EBF4: variants seen among roughly 807,000 people sequenced by gnomAD.
EBF4 encodes the protein transcription factor COE4.
Under a neutral mutation model 67.1 loss-of-function variants are expected in EBF4, and 34 were observed. The observed-to-expected ratio is 0.51, with a 90% CI of 0.39 to 0.67. The LOEUF (loss-of-function observed/expected upper bound fraction) is 0.67. Among genes scored for constraint, EBF4 ranks in the 30% least tolerant of loss-of-function variants. EBF4 has a pLI of 0.00. For missense variants in EBF4, 837 were observed against 873.3 expected, an observed-to-expected ratio of 0.96 and a Z score of 0.52; for synonymous variants, 387 against 377.7, an observed-to-expected ratio of 1.02 and a Z score of -0.29.
At chr20:2,721,127 T>G (rs879600189) in intron 6 of EBF4, among the ~76,000 whole-genome samples, 1 of 152,092 alleles carries the variant, frequency 6.6e-6, no homozygotes, top group Non-Finnish European at 1.5e-5. Flanking sequence ...TTCATTCAAT[T>G]TGGAAAGTTT....
chr20:2,715,126 C>T (rs28625972), intron 6 of EBF4, among the ~76,000 whole-genome samples: 15,691 of 152,118 alleles, frequency 0.1, 885 homozygotes, highest in Admixed American at 0.14. Context: ...CATACCACTG[C>T]CTAACCCTCT....
Position 2,752,255 on chromosome 20 carries a change from C to CGGAG in EBF4, c.1343_1344insGGAG (p.Pro450ArgfsTer70). 7.9e-7 allele frequency: 1 copy of CGGAG among 1,273,682 alleles called. No individual in the cohort carries two copies. Among genetic ancestry groups the CGGAG allele is most frequent in the African/African-American group, 1.6e-5 (1 of 64,416 alleles). 78.9% of individuals were successfully genotyped at this position (1,273,682 alleles called of 1,614,324 possible). A position where few individuals can be genotyped will look rare whatever the true frequency, so the allele number is the denominator to read the frequency against. On this transcript the variant is annotated frameshift_variant, in exon 13 of 17. Coordinates refer to ENST00000609451, the Ensembl canonical transcript of EBF4. LOFTEE classifies it high-confidence loss of function. ...GCCGTCGGGGACGCCACCCCGGGGCCCGAGCCGGGTGCGTGGGCCGCGCCT... is the reference window on the plus strand; with the variant it reads ...GCCGTCGGGGACGCCACCCCGGGGCCGGAGCGAGCCGGGTGCGTGGGCCGCGCCT...
In EBF4 at chr20:2,751,662, C is replaced by G; in HGVS notation, c.1019-38C>G. On this transcript the variant is annotated intron_variant, in intron 10 of 16. Transcript: ENST00000609451. The surrounding 1 kb of genome is among the most constrained non-coding windows in gnomAD (Gnocchi z 5.2). ...GTCTCACCCTGGGAGTGGGGGGCTGCGGGGGAGACGTCCTCCAAACGCCGC... is the reference window on the plus strand; with the variant it reads ...GTCTCACCCTGGGAGTGGGGGGCTGGGGGGGAGACGTCCTCCAAACGCCGC... 6.5e-7 allele frequency: 1 copy of G among 1,543,434 alleles called. No individual in the cohort carries two copies. Among genetic ancestry groups the G allele is most frequent in the South Asian group, 1.2e-5 (1 of 83,880 alleles).
intron 1 of EBF4, among the ~76,000 whole-genome samples, chr20:2,697,500 G>A (rs535905017): frequency 9.3e-5 from 14 of 151,106 alleles, no homozygotes; most frequent in Admixed American, 2.6e-4. Context: ...AGCCGAGATC[G>A]CGCCACTGCA....
At chr20:2,727,610 C>T (rs1351230311) in intron 6 of EBF4, among the ~76,000 whole-genome samples, 1 of 152,176 alleles carries the variant, frequency 6.6e-6, no homozygotes, top group Non-Finnish European at 1.5e-5. Context: ...ATTGCTGAAT[C>T]AATGGTAGTT....
In EBF4 at chr20:2,743,232, C is replaced by T. The variant is rs377387384; in HGVS notation, c.558-5317C>T. Reference sequence around the variant, plus strand: ...AATTCTCCTGGGTTGTTCTCACGTTCGCCCTTCCAGCCTCTGCGGTGTGTC... The same window carrying T: ...AATTCTCCTGGGTTGTTCTCACGTTTGCCCTTCCAGCCTCTGCGGTGTGTC... On this transcript the variant is annotated intron_variant, in intron 6 of 16. Transcript: ENST00000609451. Among the ~76,000 whole-genome samples, 103 of 152,302 alleles carry T rather than the reference C, an allele frequency of 6.8e-4. No individual in the cohort carries two copies. In the East Asian group the frequency reaches 0.016, roughly 24 times the overall value.
Position 2,751,630 on chromosome 20 carries a change from G to A in EBF4, c.1019-70G>A, listed in dbSNP as rs1205177481. The A allele has an allele frequency of 1.3e-6, 2 of 1,488,352 alleles. No individual in the cohort carries two copies. The highest frequency in any genetic ancestry group is 1.2e-5 in the South Asian group (1 of 82,776). The allele number at this position is 1,488,352 out of a possible 1,614,324, so 92.2% of individuals were successfully genotyped here. A position where few individuals can be genotyped will look rare whatever the true frequency, so the allele number is the denominator to read the frequency against. On this transcript the variant is annotated intron_variant, in intron 10 of 16. Transcript: ENST00000609451. This position sits in a 1 kb window ranked among gnomAD's most constrained non-coding sequence, Gnocchi z 5.2. ...GACTGGGCGCTGGCCTGCTTTTGGC[G>A]CCCTGCGTCTCACCCTGGGAGTGGG...
At chr20:2,710,962 T>TA (rs2087535270) in intron 6 of EBF4, among the ~76,000 whole-genome samples, 1 of 151,792 alleles carries the variant, frequency 6.6e-6, no homozygotes, top group Admixed American at 6.6e-5. Flanking sequence ...GCCAACAGGG[T>TA]AAAATCCCAT....
intron 6 of EBF4, among the ~76,000 whole-genome samples, chr20:2,736,981 G>A (rs1005907564): frequency 2.0e-5 from 3 of 152,042 alleles, no homozygotes; most frequent in Non-Finnish European, 4.4e-5. Context: ...CGGGCGCGGT[G>A]GCTCACGCTT....
At chr20:2,693,522 A>G (rs897401334), upstream of EBF4, 4 of 1,202,050 alleles carry the variant, frequency 3.3e-6, no homozygotes, top group African/African-American at 4.7e-5. This position sits in a 1 kb window ranked among gnomAD's most constrained non-coding sequence, Gnocchi z 4.6. Flanking sequence ...GCACTGAGCC[A>G]CCCGGACTCG....
At chr20:2,706,918 G>C (rs2087466935) in intron 4 of EBF4, among the ~76,000 whole-genome samples, 1 of 152,250 alleles carries the variant, frequency 6.6e-6, no homozygotes, top group African/African-American at 2.4e-5. Context: ...AGGAGGCTCA[G>C]AGGCCAGCAC....
chr20:2,751,963 G>A lies in EBF4; in HGVS notation c.1149G>A (p.Leu383=), dbSNP rs2088154959. ...GGGCGGCCGACTTGGCAGAAGCCCTGTACGGAGTGCCCGGCAGTAACCAGG... is the reference window on the plus strand; with the variant it reads ...GGGCGGCCGACTTGGCAGAAGCCCTATACGGAGTGCCCGGCAGTAACCAGG... Residue 383 remains leucine (L), a synonymous_variant, in exon 12 of 17, where the codon CTG becomes CTA. Coordinates refer to ENST00000609451, the Ensembl canonical transcript of EBF4. The surrounding 1 kb of genome is among the most constrained non-coding windows in gnomAD (Gnocchi z 5.2). 2 of 1,548,874 alleles carry A rather than the reference G, an allele frequency of 1.3e-6. No individual in the cohort carries two copies. Among genetic ancestry groups the A allele is most frequent in the African/African-American group, 2.7e-5 (2 of 73,132 alleles).
At chr20:2,723,539 C>T (rs1600220834) in intron 6 of EBF4, among the ~76,000 whole-genome samples, 2 of 151,990 alleles carry the variant, frequency 1.3e-5, no homozygotes, top group Admixed American at 6.5e-5. Flanking sequence ...TTAATAGAGA[C>T]GGGGTTTCAC....
rs138935530 is a variant in EBF4 at position 2,733,303 on chromosome 20, TTCTC to T, written c.558-15235_558-15232del. Among the ~76,000 whole-genome samples, 14 of 151,734 alleles carry T rather than the reference TTCTC, an allele frequency of 9.2e-5. 1 individual carries two copies. The highest frequency in any genetic ancestry group is 7.2e-4 in the Admixed American group (11 of 15,204). On this transcript the variant is annotated intron_variant, in intron 6 of 16. Transcript: ENST00000609451. The stretch of plus-strand genomic sequence containing the variant: ...GGATTCCTTATATATGACGAGTTAC[TTCTC>T]TCTCTCTCTCATTGCTTCTCAGATC...
At chr20:2,740,497 AT>A (rs2087951747) in intron 6 of EBF4, among the ~76,000 whole-genome samples, 1 of 152,156 alleles carries the variant, frequency 6.6e-6, no homozygotes, top group Non-Finnish European at 1.5e-5. Flanking sequence ...GTAGTGGAAA[AT>A]GCACTCGGGC....
chr20:2,742,597 G>T (rs1376738189), intron 6 of EBF4, among the ~76,000 whole-genome samples: 1 of 152,156 alleles, frequency 6.6e-6, no homozygotes, highest in African/African-American at 2.4e-5. Flanking sequence ...GGCCACAGTG[G>T]GATGGCACTG....
At chr20:2,712,920 A>T (rs926709997) in intron 6 of EBF4, among the ~76,000 whole-genome samples, 25 of 152,216 alleles carry the variant, frequency 1.6e-4, no homozygotes, top group Non-Finnish European at 2.4e-4. Flanking sequence ...AGATTTAGCA[A>T]TGAGGAGGAT....
At chr20:2,714,221 T>C (rs1229411750) in intron 6 of EBF4, among the ~76,000 whole-genome samples, 1 of 152,202 alleles carries the variant, frequency 6.6e-6, no homozygotes, top group Non-Finnish European at 1.5e-5. Flanking sequence ...TAAAGGCTAT[T>C]TGTGTTTCCT....
At chr20:2,702,273 AATTAATT>A (rs1459830075) in intron 1 of EBF4, among the ~76,000 whole-genome samples, 24 of 152,062 alleles carry the variant, frequency 1.6e-4, no homozygotes, top group African/African-American at 5.8e-4. Context: ...ATCTCTCCAA[AATTAATT>A]AGCTGGGCAT....
Sources: allele counts gnomAD v4.1 joint callset (sites outside exome capture counted in the v4.1 genomes callset), GRCh38; gene constraint gnomAD v4.1.1; non-coding constraint Gnocchi (gnomAD v3.1); transcripts MANE v1.5; gene names NCBI Gene and HGNC (gene_info 2026-07-23, HGNC 2026-07-21).